TUSC3: variants seen among roughly 807,000 people sequenced by gnomAD.
TUSC3 encodes dolichyl-diphosphooligosaccharide--protein glycosyltransferase subunit TUSC3.
TUSC3 carries 45 observed loss-of-function variants against 44.8 expected under a neutral mutation model. The observed-to-expected ratio is 1.00, with a 90% CI of 0.79 to 1.29. The LOEUF is 1.29. Among genes scored for constraint, TUSC3 ranks in the 50% most tolerant of loss-of-function variants. The pLI is 0.00. For missense variants in TUSC3, 519 were observed against 437.9 expected, an observed-to-expected ratio of 1.19 and a Z score of -1.65; for synonymous variants, 212 against 152.9, an observed-to-expected ratio of 1.39 and a Z score of -2.85.
chr8:15,631,976 G>A (rs1295485196), intron 2 of TUSC3, among the ~76,000 whole-genome samples: 1 of 152,014 alleles, frequency 6.6e-6, no homozygotes, highest in Non-Finnish European at 1.5e-5. Context: ...CAAAGTGCTG[G>A]GATTACAGGT....
At chr8:15,540,769 C>T (rs1352555732) in intron 1 of TUSC3, among the ~76,000 whole-genome samples, 2 of 152,148 alleles carry the variant, frequency 1.3e-5, no homozygotes, top group African/African-American at 4.8e-5. Flanking sequence ...TGAAAAACGA[C>T]GGCAAAGCGT....
chr8:15,813,549 T>C, the TUSC3 span, among the ~76,000 whole-genome samples: 7 of 152,170 alleles, frequency 4.6e-5, no homozygotes, highest in East Asian at 1.3e-3. Context: ...AATGGGAAGA[T>C]ACTGTAAATT....
chr8:15,807,805 T>C, the TUSC3 span, among the ~76,000 whole-genome samples: 1 of 152,108 alleles, frequency 6.6e-6, no homozygotes, highest in Non-Finnish European at 1.5e-5. Context: ...AAGTGGGAGC[T>C]AAACATTGAG....
At chr8:15,670,663 A>G (rs1280941949) in intron 5 of TUSC3, among the ~76,000 whole-genome samples, 2 of 151,908 alleles carry the variant, frequency 1.3e-5, no homozygotes, top group South Asian at 2.1e-4. Context: ...AGTGGTAACC[A>G]TAATAGAAGA....
chr8:15,681,470 A>G (rs1021497287), intron 6 of TUSC3, among the ~76,000 whole-genome samples: 16 of 151,446 alleles, frequency 1.1e-4, no homozygotes, highest in Non-Finnish European at 1.8e-4. Context: ...CAAGGTATTA[A>G]TATAGTGCCG....
At chr8:15,739,538 C>G (rs1476716434) in intron 7 of TUSC3, among the ~76,000 whole-genome samples, 1 of 151,944 alleles carries the variant, frequency 6.6e-6, no homozygotes, top group Non-Finnish European at 1.5e-5. Flanking sequence ...TTGCTCCCAA[C>G]AAAAATAGTA....
intron 2 of TUSC3, among the ~76,000 whole-genome samples, chr8:15,509,697 C>G (rs1271995092): frequency 6.6e-6 from 1 of 152,066 alleles, no homozygotes; most frequent in Non-Finnish European, 1.5e-5. Flanking sequence ...CTTTGTACTT[C>G]TTAATATTTT....
chr8:15,807,480 A>G, the TUSC3 span, among the ~76,000 whole-genome samples: 2 of 152,128 alleles, frequency 1.3e-5, no homozygotes, highest in Non-Finnish European at 2.9e-5. Context: ...CAAAGAATGT[A>G]AAACAGAACT....
chr8:15,845,405 AT>A, the TUSC3 span, among the ~76,000 whole-genome samples: 1 of 152,212 alleles, frequency 6.6e-6, no homozygotes, highest in African/African-American at 2.4e-5. Context: ...GAAAATTTGT[AT>A]TAACATGCAT....
chr8:15,606,227 C>A (rs543492887), intron 1 of TUSC3, among the ~76,000 whole-genome samples: 1 of 152,126 alleles, frequency 6.6e-6, no homozygotes, highest in South Asian at 2.1e-4. Flanking sequence ...ATCTTGTAAA[C>A]AGGTGACAGA....
the TUSC3 span, among the ~76,000 whole-genome samples, chr8:15,822,142 G>T: frequency 2.0e-5 from 3 of 152,014 alleles, no homozygotes; most frequent in Admixed American, 6.6e-5. Flanking sequence ...GCAATAGGAA[G>T]GAAGGTTTAG....
chr8:15,734,376 G>A (rs925061193), intron 7 of TUSC3, among the ~76,000 whole-genome samples: 1 of 152,068 alleles, frequency 6.6e-6, no homozygotes, highest in African/African-American at 2.4e-5. Context: ...CTCCATATCA[G>A]TAGTGTTTTA....
At chr8:15,464,726 T>C (rs1461585661) in intron 1 of TUSC3, among the ~76,000 whole-genome samples, 2 of 152,222 alleles carry the variant, frequency 1.3e-5, no homozygotes, top group African/African-American at 4.8e-5. Context: ...GTAAAGCAAA[T>C]TGATGTATCA....
chr8:15,767,666 G>A (rs1409682129), downstream of TUSC3, among the ~76,000 whole-genome samples: 1 of 152,102 alleles, frequency 6.6e-6, no homozygotes, highest in Non-Finnish European at 1.5e-5. Flanking sequence ...TTTGGAGGGA[G>A]CAGAATAGAC....
chr8:15,663,810 T>G (rs138989975), intron 5 of TUSC3, among the ~76,000 whole-genome samples: 29 of 151,970 alleles, frequency 1.9e-4, no homozygotes, highest in African/African-American at 6.7e-4. Context: ...TCCATGCTAG[T>G]TTTCAAGTTG....
At chr8:15,689,123 C>G in intron 6 of TUSC3, 1 of 384,418 alleles carries the variant, frequency 2.6e-6, no homozygotes, top group Middle Eastern at 3.9e-4. Flanking sequence ...GTCTTGCACG[C>G]CATTCTTCTA....
At chr8:15,449,348 G>T (rs143128747) in intron 1 of TUSC3, among the ~76,000 whole-genome samples, 1 of 152,176 alleles carries the variant, frequency 6.6e-6, no homozygotes, top group Non-Finnish European at 1.5e-5. Flanking sequence ...TGGCTCAAGC[G>T]TGGAGTTTTT....
intron 7 of TUSC3, among the ~76,000 whole-genome samples, chr8:15,731,690 CAT>C (rs1228158287): frequency 1.3e-5 from 2 of 152,120 alleles, no homozygotes; most frequent in Non-Finnish European, 2.9e-5. Context: ...TGGTGTGTGA[CAT>C]ATCATTTCAC....
chr8:15,571,657 C>T (rs561582507), intron 1 of TUSC3, among the ~76,000 whole-genome samples: 48 of 152,166 alleles, frequency 3.2e-4, no homozygotes, highest in Non-Finnish European at 6.2e-4. Context: ...CACATTGATT[C>T]CCTCTTTATT....
Sources: gnomAD v4.1 joint callset for allele counts (sites outside exome capture counted in the v4.1 genomes callset) on GRCh38, gnomAD v4.1.1 for gene constraint, MANE v1.5 for transcripts, NCBI Gene and HGNC (gene_info 2026-07-23, HGNC 2026-07-21) for gene names.